Variants in PLPPR5 observed in about 807,000 individuals in gnomAD.
PLPPR5 encodes phospholipid phosphatase-related protein type 5.
A neutral mutation model predicts 33.9 loss-of-function variants in PLPPR5; 16 were observed. That is an observed-to-expected ratio of 0.47 (90% CI 0.32 to 0.72). PLPPR5 has a LOEUF of 0.72. Ranked by LOEUF, PLPPR5 falls within the 30% of genes least tolerant of loss-of-function variation. The probability of loss-of-function intolerance (pLI) is 0.03; values close to 1 mark genes in which losing one functional copy is unlikely to be tolerated. For missense variants in PLPPR5, 301 were observed against 406.7 expected (o/e 0.74, Z 2.23); for synonymous variants, 163 against 150.3 (o/e 1.08, Z -0.62).
At chr1:98,957,454 T>C (rs899576602) in intron 1 of PLPPR5, among the ~76,000 whole-genome samples, 21 of 152,028 alleles carry the variant, frequency 1.4e-4, no homozygotes, top group Non-Finnish European at 2.2e-4. Flanking sequence ...GAAGCACTCA[T>C]TTATTTTTAT....
intron 1 of PLPPR5, among the ~76,000 whole-genome samples, chr1:98,959,096 T>C (rs926794852): frequency 4.6e-5 from 7 of 152,218 alleles, no homozygotes; most frequent in Admixed American, 2.0e-4. Flanking sequence ...CTGCTATTAA[T>C]CTTTTGCCTG....
chr1:98,893,205 T>C (rs7524256), intron 5 of PLPPR5, 101 bp from the exon 6 acceptor site: 216,025 of 1,094,816 alleles, frequency 0.2, 22,542 homozygotes, highest in Non-Finnish European at 0.22. Flanking sequence ...ATATGCTGAA[T>C]GTTGAAGTTG....
At chr1:98,965,235 C>T (rs1273627652) in intron 1 of PLPPR5, among the ~76,000 whole-genome samples, 1 of 152,122 alleles carries the variant, frequency 6.6e-6, no homozygotes, top group Non-Finnish European at 1.5e-5. Flanking sequence ...TGCTCCTGAA[C>T]CCCAACCTGA....
At chr1:98,900,235 A>G (rs1282315614) in intron 5 of PLPPR5, among the ~76,000 whole-genome samples, 5 of 152,096 alleles carry the variant, frequency 3.3e-5, no homozygotes, top group Non-Finnish European at 7.4e-5. Context: ...CAGCATCCTC[A>G]AGTTTCTTGC....
Position 98,891,789 on chromosome 1 carries a change from A to G in PLPPR5, c.*1283T>C, listed in dbSNP as rs1330738657. ...CATATTTGTATTCTGGCATTTCTTTATTTTTTGAACCATAGGTAGTTGCCC... is the reference window on the plus strand; with the variant it reads ...CATATTTGTATTCTGGCATTTCTTTGTTTTTTGAACCATAGGTAGTTGCCC... On this transcript the variant is annotated 3_prime_UTR_variant, in exon 6 of 6. Transcript: ENST00000263177. The G allele has an allele frequency of 6.6e-6, 1 of 152,066 alleles. No homozygotes were observed. The highest frequency in any genetic ancestry group is 1.5e-5 in the Non-Finnish European group (1 of 67,984). 9.4% of individuals were successfully genotyped at this position (152,066 alleles called of 1,614,324 possible).
chr1:98,955,605 C>A (rs906286070), intron 2 of PLPPR5, among the ~76,000 whole-genome samples: 1 of 152,030 alleles, frequency 6.6e-6, no homozygotes, highest in East Asian at 1.9e-4. Context: ...GAAGGCCTTT[C>A]GTCTTCAGAG....
chr1:98,994,403 G>T (rs1218351651), intron 1 of PLPPR5, among the ~76,000 whole-genome samples: 1 of 151,966 alleles, frequency 6.6e-6, no homozygotes, highest in Admixed American at 6.6e-5. Flanking sequence ...ACAAATTAAT[G>T]AAAACTTGAA....
At position 99,004,614 on chromosome 1, in the gene PLPPR5, T is replaced by A. The variant is rs1436175006; in HGVS notation, c.58A>T (p.Met20Leu). Residue 20 changes from methionine (M) to leucine (L), a missense_variant, in exon 1 of 6, where the codon ATG becomes TTG. Met to Leu is a conservative substitution (Grantham distance 15). Coordinates refer to ENST00000263177, the MANE Select transcript of PLPPR5 (RefSeq NM_001037317.2). The part of the protein sequence containing the change: ...SSMLYFQMVI[M>L]AGTVMLAYYF... The stretch of plus-strand genomic sequence containing the variant: ...TACGCCAGCATCACCGTCCCTGCCA[T>A]GATCACCATCTGGAAATAGAGCATG... 1.9e-6 allele frequency: 3 copies of A among 1,612,948 alleles called. No homozygotes were observed. The highest frequency in any genetic ancestry group is 2.5e-6 in the Non-Finnish European group (3 of 1,179,764).
intron 3 of PLPPR5, among the ~76,000 whole-genome samples, chr1:98,922,752 G>A (rs112042484): frequency 5.4e-4 from 82 of 152,228 alleles, no homozygotes; most frequent in African/African-American, 1.9e-3. Context: ...TTGGGAGGCC[G>A]AGGCGGGCAG....
intron 4 of PLPPR5, 96 bp from the exon 5 acceptor site, chr1:98,915,016 G>A: frequency 1.8e-6 from 2 of 1,103,496 alleles, no homozygotes; most frequent in South Asian, 3.4e-5. Flanking sequence ...ATGTAAGAAA[G>A]TATTAAAATT....
intron 3 of PLPPR5, among the ~76,000 whole-genome samples, chr1:98,936,485 T>C (rs1184395371): frequency 1.3e-5 from 2 of 152,202 alleles, no homozygotes; most frequent in Non-Finnish European, 1.5e-5. Context: ...GTACTCAGAA[T>C]TGTTTACTGG....
intron 3 of PLPPR5, among the ~76,000 whole-genome samples, chr1:98,928,676 C>T (rs1020129904): frequency 4.7e-5 from 7 of 150,302 alleles, no homozygotes; most frequent in Admixed American, 1.3e-4. Flanking sequence ...AGATTATACC[C>T]GCTTCAGCAG....
chr1:98,970,176 A>G (rs530063175), intron 1 of PLPPR5, among the ~76,000 whole-genome samples: 1 of 152,212 alleles, frequency 6.6e-6, no homozygotes, highest in South Asian at 2.1e-4. Context: ...TGTTGATTAC[A>G]TAGGAAATCC....
chr1:98,961,490 A>C (rs549718887), intron 1 of PLPPR5, among the ~76,000 whole-genome samples: 1 of 152,344 alleles, frequency 6.6e-6, no homozygotes, highest in East Asian at 1.9e-4. Flanking sequence ...CTGTTGAAAA[A>C]ATTATTGGCA....
intron 1 of PLPPR5, among the ~76,000 whole-genome samples, chr1:98,967,896 G>C (rs1047945914): frequency 2.6e-5 from 4 of 152,028 alleles, no homozygotes; most frequent in African/African-American, 9.7e-5. Flanking sequence ...CCTAGAATAG[G>C]GTAATAGAGT....
At chr1:98,928,341 T>C (rs951124186) in intron 3 of PLPPR5, among the ~76,000 whole-genome samples, 1 of 151,950 alleles carries the variant, frequency 6.6e-6, no homozygotes, top group Non-Finnish European at 1.5e-5. Context: ...GATGAAAATT[T>C]AGTGTCTGAA....
intron 1 of PLPPR5, among the ~76,000 whole-genome samples, chr1:98,957,818 C>T (rs1651070531): frequency 6.6e-6 from 1 of 152,096 alleles, no homozygotes; most frequent in Non-Finnish European, 1.5e-5. Flanking sequence ...GTGAGTTGCC[C>T]AAGAACAAGG....
chr1:98,945,816 T>C (rs533116571), intron 3 of PLPPR5, among the ~76,000 whole-genome samples: 6 of 152,278 alleles, frequency 3.9e-5, no homozygotes, highest in African/African-American at 1.4e-4. Flanking sequence ...CATTTAGCCA[T>C]AGTGTAAGTA....
rs1648235519 is a variant in PLPPR5 at position 98,890,509 on chromosome 1, G to A, written c.*2563C>T. On this transcript the variant is annotated 3_prime_UTR_variant, in exon 6 of 6. Coordinates refer to ENST00000263177, the MANE Select transcript of PLPPR5 (RefSeq NM_001037317.2). ...CAGATAAAACATGTGCAGAATTTCT[G>A]CCATGCAAACAGAGACTACCGAAAT... 2.0e-5 allele frequency: 3 copies of A among 152,440 alleles called. 1 individual carries two copies. Among genetic ancestry groups the A allele is most frequent in the South Asian group, 4.1e-4 (2 of 4,826 alleles). The allele number at this position is 152,440 out of a possible 1,614,324, so 9.4% of individuals were successfully genotyped here. A position where few individuals can be genotyped will look rare whatever the true frequency, so the allele number is the denominator to read the frequency against.
Sources: allele counts gnomAD v4.1 joint callset (sites outside exome capture counted in the v4.1 genomes callset), GRCh38; gene constraint gnomAD v4.1.1; transcripts MANE v1.5; gene names NCBI Gene and HGNC (gene_info 2026-07-23, HGNC 2026-07-21).